The following ZNF577 variants were observed in gnomAD, a reference collection of about 807,000 sequenced individuals.
The protein encoded by ZNF577 is zinc finger protein 577.
A neutral mutation model predicts 13.9 loss-of-function variants in ZNF577; 14 were observed. The observed-to-expected ratio is 1.00, with a 90% CI of 0.66 to 1.57. ZNF577 has a LOEUF of 1.57. Ranked by LOEUF, ZNF577 falls within the 40% of genes most tolerant of loss-of-function variation. The pLI, the probability that ZNF577 is intolerant of heterozygous loss-of-function variation, is 0.00. For missense variants in ZNF577, 555 were observed against 579.2 expected, an observed-to-expected ratio of 0.96 and a Z score of 0.43; for synonymous variants, 203 against 202.9, an observed-to-expected ratio of 1.00 and a Z score of 0.00.
chr19:51,861,087 A>G, intron 5 of ZNF577: 1 of 356,680 alleles, frequency 2.8e-6, no homozygotes, highest in Non-Finnish European at 5.2e-6. Context: ...TTTTTTGACA[A>G]TCACTGCACT....
chr19:51,819,948 A>C (rs1474118802), intron 9 of ZNF577, among the ~76,000 whole-genome samples: 1 of 152,238 alleles, frequency 6.6e-6, no homozygotes, highest in Non-Finnish European at 1.5e-5. Flanking sequence ...GACGAGAGAC[A>C]GTGGGATGGA....
At chr19:51,832,105 G>C (rs1337265558) in intron 9 of ZNF577, among the ~76,000 whole-genome samples, 2 of 152,042 alleles carry the variant, frequency 1.3e-5, no homozygotes, top group Non-Finnish European at 2.9e-5. Flanking sequence ...ATTCTTTGCT[G>C]GTCTGAGAGC....
intron 5 of ZNF577, among the ~76,000 whole-genome samples, chr19:51,856,635 TAAC>T (rs1406801023): frequency 1.3e-5 from 2 of 152,252 alleles, no homozygotes; most frequent in East Asian, 3.8e-4. Flanking sequence ...CTTAAGTGAA[TAAC>T]CAGATTCTCT....
At chr19:51,863,385 TA>T (rs551468560), downstream of ZNF577, 17 of 152,332 alleles carry the variant, frequency 1.1e-4, no homozygotes, top group African/African-American at 4.1e-4. Context: ...CATAAAAAGA[TA>T]TTAGTAAGAT....
chr19:51,823,620 C>A (rs1403099826), intron 9 of ZNF577: 1 of 768,260 alleles, frequency 1.3e-6, no homozygotes, highest in Non-Finnish European at 2.1e-6. Flanking sequence ...TATAACCATT[C>A]ACAAGGCTCA....
intron 1 of ZNF577, among the ~76,000 whole-genome samples, chr19:51,884,394 G>T (rs1290521388): frequency 6.6e-6 from 1 of 152,142 alleles, no homozygotes; most frequent in African/African-American, 2.4e-5. Context: ...AACAAAAGTG[G>T]AGGCACAGAT....
chr19:51,868,680 G>C lies in ZNF577; in HGVS notation c.*3852C>G, dbSNP rs576559386. Reference sequence around the variant, plus strand: ...GACTACTACCGTCTTCAACTGCCTTGAACACCCAGATAGAATTCACTCATG... The same window carrying C: ...GACTACTACCGTCTTCAACTGCCTTCAACACCCAGATAGAATTCACTCATG... On this transcript the variant is annotated 3_prime_UTR_variant, in exon 6 of 6. Transcript: ENST00000638348. 6.6e-6 allele frequency among the ~76,000 whole-genome samples: 1 copy of C among 151,518 alleles called. No homozygotes were observed. Among genetic ancestry groups the C allele is most frequent in the Admixed American group, 6.6e-5 (1 of 15,226 alleles).
chr19:51,810,822 G>A (rs142958358), intron 10 of ZNF577, among the ~76,000 whole-genome samples: 1 of 152,266 alleles, frequency 6.6e-6, no homozygotes, highest in African/African-American at 2.4e-5. Flanking sequence ...TTACTCTAGT[G>A]GGGTGTGTTC....
chr19:51,863,569 G>C (rs1044337111), downstream of ZNF577, among the ~76,000 whole-genome samples: 3 of 152,168 alleles, frequency 2.0e-5, no homozygotes, highest in Non-Finnish European at 4.4e-5. Flanking sequence ...TGTGTGGTGT[G>C]TGTGTATAGA....
chr19:51,836,395 T>C (rs893752663), intron 9 of ZNF577, among the ~76,000 whole-genome samples: 2 of 152,248 alleles, frequency 1.3e-5, no homozygotes, highest in Admixed American at 6.5e-5. Context: ...CTTTTTGAAA[T>C]AGATATTCTG....
intron 9 of ZNF577, among the ~76,000 whole-genome samples, chr19:51,834,634 A>G (rs1307494363): frequency 1.3e-5 from 2 of 152,158 alleles, no homozygotes; most frequent in Non-Finnish European, 2.9e-5. Context: ...TAACTGAAGG[A>G]TAAGAGGAGT....
chr19:51,865,723 T>C (rs1466499502), downstream of ZNF577, among the ~76,000 whole-genome samples: 1 of 152,190 alleles, frequency 6.6e-6, no homozygotes, highest in East Asian at 1.9e-4. Flanking sequence ...CCAACCCTCA[T>C]GGTCAGCTCC....
At chr19:51,880,185 C>T in intron 3 of ZNF577, 138 bp downstream of exon 3, 4 of 901,404 alleles carry the variant, frequency 4.4e-6, no homozygotes, top group Non-Finnish European at 7.0e-6. Context: ...CCTTAGCTTA[C>T]CCCACTAAAC....
In ZNF577 at chr19:51,869,674, A is replaced by G. The variant is rs2084625915; in HGVS notation, c.*2858T>C. ...GTCCCCCCTGACGAGAAACACCCACAGGTGTGGACGGGCTGGACCCCTTCA... is the reference window on the plus strand; with the variant it reads ...GTCCCCCCTGACGAGAAACACCCACGGGTGTGGACGGGCTGGACCCCTTCA... On this transcript the variant is annotated 3_prime_UTR_variant, in exon 6 of 6. Transcript: ENST00000638348. 6.6e-6 allele frequency among the ~76,000 whole-genome samples: 1 copy of G among 152,078 alleles called. No individual in the cohort carries two copies. The highest frequency in any genetic ancestry group is 2.1e-4 in the South Asian group (1 of 4,822).
At chr19:51,881,526 C>A (rs16983196) in intron 1 of ZNF577, among the ~76,000 whole-genome samples, 33,670 of 151,984 alleles carry the variant, frequency 0.22, 4,571 homozygotes, top group South Asian at 0.41. Flanking sequence ...GCTGAGACAA[C>A]GTGTGTTGTG....
At chr19:51,815,178 C>T (rs1482268926) in intron 9 of ZNF577, among the ~76,000 whole-genome samples, 6 of 152,102 alleles carry the variant, frequency 3.9e-5, no homozygotes, top group Non-Finnish European at 8.8e-5. Flanking sequence ...GGCTGACCAC[C>T]ACAAAAATCA....
rs151106273 is a variant in ZNF577, at chr19:51,873,207, C to T, written c.783G>A (p.Gln261=). Residue 261 remains glutamine, a synonymous_variant, in exon 6 of 6, where the codon CAG becomes CAA. Coordinates refer to ENST00000638348, the MANE Select transcript of ZNF577 (RefSeq NM_001370449.1). ...FSRKCRLNRH[Q]RSHTGEKLYG... ...AGAGTTTCTCTCCAGTATGTGATCG[C>T]TGATGTCTATTGAGCCGGCACTTCC... 4.3e-5 allele frequency: 69 copies of T among 1,613,980 alleles called. No individual in the cohort carries two copies. Among genetic ancestry groups the T allele is most frequent in the Non-Finnish European group, 5.7e-5 (67 of 1,180,014 alleles).
Position 51,824,205 on chromosome 19 carries a change from A to C in ZNF577, c.*600-12531T>G, listed in dbSNP as rs1223604343. The C allele has an allele frequency of 6.2e-7, 1 of 1,613,938 alleles. No homozygotes were observed. Among genetic ancestry groups the C allele is most frequent in the African/African-American group, 1.3e-5 (1 of 74,894 alleles). On this transcript the variant is annotated intron_variant and NMD_transcript_variant, in intron 9 of 10. Transcript: ENST00000638827. This position sits in a 1 kb window ranked among gnomAD's most constrained non-coding sequence, Gnocchi z 4.7. ...GGTGATGACGGGACTCTGGATTTTC[A>C]CCATAGTCCTTACCTTACCAAATTT...
intron 5 of ZNF577, chr19:51,860,179 T>C (rs2084481518): frequency 6.6e-6 from 1 of 152,200 alleles, no homozygotes; most frequent in Non-Finnish European, 1.5e-5. Context: ...TGCTTCACAA[T>C]TTAAGACATG....
Sources: allele counts gnomAD v4.1 joint callset (sites outside exome capture counted in the v4.1 genomes callset), GRCh38; gene constraint gnomAD v4.1.1; non-coding constraint Gnocchi (gnomAD v3.1); transcripts MANE v1.5; gene names NCBI Gene and HGNC (gene_info 2026-07-23, HGNC 2026-07-21).